The following ZFP69 variants were observed in gnomAD, a reference collection of about 807,000 sequenced individuals.
ZFP69 encodes zinc finger protein 69 homolog.
ZFP69 carries 35 observed loss-of-function variants against 48.9 expected under a neutral mutation model. The observed-to-expected ratio is 0.72, with a 90% CI of 0.55 to 0.95. The LOEUF (loss-of-function observed/expected upper bound fraction) is 0.95, where lower values mean the gene tolerates loss of function less well. Among genes scored for constraint, ZFP69 ranks in the 40% least tolerant of loss-of-function variants. The pLI, the probability that ZFP69 is intolerant of heterozygous loss-of-function variation, is 0.00. For missense variants in ZFP69, 557 were observed against 638.4 expected, an observed-to-expected ratio of 0.87 and a Z score of 1.37; for synonymous variants, 193 against 216.8, an observed-to-expected ratio of 0.89 and a Z score of 0.96.
intron 2 of ZFP69, 23 bp downstream of exon 2, chr1:40,479,511 G>A (rs1557537044): frequency 4.4e-6 from 7 of 1,597,710 alleles, no homozygotes; most frequent in South Asian, 1.1e-5. Flanking sequence ...TGATGGAGGG[G>A]GAAGAAGGGG....
In ZFP69 at chr1:40,495,910, C is replaced by A. The variant is rs772897701; in HGVS notation, c.1432C>A (p.His478Asn). 1 of 1,614,018 alleles carries A rather than the reference C, an allele frequency of 6.2e-7. No homozygotes were observed. The highest frequency in any genetic ancestry group is 8.5e-7 in the Non-Finnish European group (1 of 1,180,028). The change falls in exon 6 of 6, where the codon CAT becomes AAT. Residue 478 changes from histidine to asparagine, a missense_variant. Coordinates refer to ENST00000372706, the MANE Select transcript of ZFP69 (RefSeq NM_001320179.2). ...ECNRCGKAYR[H>N]DSSFKKHQRH... Reference sequence around the variant, plus strand: ...CAACCGCTGTGGAAAAGCCTATAGGCATGATTCATCCTTTAAAAAACATCA... The same window carrying A: ...CAACCGCTGTGGAAAAGCCTATAGGAATGATTCATCCTTTAAAAAACATCA...
chr1:40,489,658 G>C (rs756254145), intron 5 of ZFP69, 34 bp downstream of exon 5: 291 of 1,476,486 alleles, frequency 2.0e-4, no homozygotes, highest in Non-Finnish European at 2.7e-4. Context: ...TTTTTGTGTT[G>C]CTATAAAGGA....
intron 3 of ZFP69, among the ~76,000 whole-genome samples, chr1:40,484,736 C>G (rs1241360123): frequency 6.6e-6 from 1 of 151,510 alleles, no homozygotes; most frequent in Non-Finnish European, 1.5e-5. Context: ...TGCCACCACA[C>G]CCGGCTAATT....
chr1:40,490,868 C>A (rs1016888492), intron 5 of ZFP69: 2 of 152,236 alleles, frequency 1.3e-5, no homozygotes, highest in Middle Eastern at 3.4e-3. Context: ...TCAAACTTTG[C>A]TTTTTATTCT....
At chr1:40,493,447 T>C (rs969372961) in intron 5 of ZFP69, 4 of 152,176 alleles carry the variant, frequency 2.6e-5, no homozygotes, top group Non-Finnish European at 5.9e-5. Context: ...AAGAGTTCCA[T>C]TGATGATCCC....
intron 5 of ZFP69, among the ~76,000 whole-genome samples, chr1:40,494,143 T>G (rs1248926103): frequency 6.6e-6 from 1 of 151,216 alleles, no homozygotes; most frequent in Non-Finnish European, 1.5e-5. Context: ...TCCTTTTATC[T>G]TTCTGAGATT....
chr1:40,486,593 A>AT (rs60459958), intron 3 of ZFP69, among the ~76,000 whole-genome samples: 14 of 147,650 alleles, frequency 9.5e-5, no homozygotes, highest in Non-Finnish European at 1.5e-4. Context: ...TAATTTTTGT[A>AT]TTTTTTTTTG....
At chr1:40,479,866 T>G (rs1235393332) in intron 2 of ZFP69, among the ~76,000 whole-genome samples, 1 of 152,210 alleles carries the variant, frequency 6.6e-6, no homozygotes, top group Non-Finnish European at 1.5e-5. Context: ...CAACCCAATA[T>G]TTATCACAAG....
intron 1 of ZFP69, among the ~76,000 whole-genome samples, chr1:40,478,763 G>A (rs1030372901): frequency 9.2e-5 from 14 of 152,076 alleles, no homozygotes; most frequent in Admixed American, 2.0e-4. Context: ...AAGTGTCATA[G>A]AGCTTTTAAG....
chr1:40,495,291 T>C lies in ZFP69; in HGVS notation c.813T>C (p.Tyr271=), dbSNP rs750483334. The C allele has an allele frequency of 3.1e-6, 5 of 1,613,926 alleles. No homozygotes were observed. The African/African-American group carries it at 6.7e-5, about 22-fold the overall frequency. The change falls in exon 6 of 6, where the codon TAT becomes TAC. Residue 271 remains tyrosine, a synonymous_variant. Coordinates refer to ENST00000372706, the MANE Select transcript of ZFP69 (RefSeq NM_001320179.2). ...CAAGTTACATAAGAACAAAAACCTATGAATGTAATATATGTGAAAAAATCT... is the reference window on the plus strand; with the variant it reads ...CAAGTTACATAAGAACAAAAACCTACGAATGTAATATATGTGAAAAAATCT... ...HPTSYIRTKT[Y]ECNICEKIFK... is the part of the protein sequence containing the mutation.
intron 2 of ZFP69, among the ~76,000 whole-genome samples, chr1:40,480,496 C>T (rs892463363): frequency 6.6e-6 from 1 of 151,210 alleles, no homozygotes; most frequent in Non-Finnish European, 1.5e-5. Context: ...AAACCTAAGC[C>T]CATATACAGA....
At position 40,496,094 on chromosome 1, in the gene ZFP69, G is replaced by A. The variant is rs200110371; in HGVS notation, c.*35G>A. 490 of 1,525,694 alleles carry A rather than the reference G, an allele frequency of 3.2e-4. 2 individuals are homozygous for A. The African/African-American group carries it at 6.2e-3, about 19-fold the overall frequency. The allele number at this position is 1,525,694 out of a possible 1,614,324, so 94.5% of individuals were successfully genotyped here. A position where few individuals can be genotyped will look rare whatever the true frequency, so the allele number is the denominator to read the frequency against. ...TTTGACTTGAGAACAAAAGCCAAGT[G>A]TAAATTGGTGATTTAGAGTGCTTTA... On this transcript the variant is annotated 3_prime_UTR_variant, in exon 6 of 6. Transcript: ENST00000372706.
intron 5 of ZFP69, among the ~76,000 whole-genome samples, chr1:40,494,181 A>C (rs1367887583): frequency 6.6e-6 from 1 of 151,960 alleles, no homozygotes; most frequent in Non-Finnish European, 1.5e-5. Flanking sequence ...GTCAATTAAA[A>C]ATACTTATAT....
chr1:40,483,512 C>T (rs778953051), intron 3 of ZFP69, among the ~76,000 whole-genome samples: 10 of 152,034 alleles, frequency 6.6e-5, no homozygotes, highest in Non-Finnish European at 1.5e-4. Flanking sequence ...TACAGACGAG[C>T]CACTGCACCC....
chr1:40,492,515 CTCATAA>C (rs143801098), intron 5 of ZFP69, among the ~76,000 whole-genome samples: 8,838 of 152,196 alleles, frequency 0.058, 361 homozygotes, highest in African/African-American at 0.11. Context: ...AAAACTGTAT[CTCATAA>C]TGAGACTTAA....
In ZFP69 at chr1:40,495,707, C is replaced by T; in HGVS notation, c.1229C>T (p.Pro410Leu). ...ATAAGAATTCATACCGGGGAGAAGC[C>T]CTATGCATGCACTGCATGTTGTAAA... ...EHIRIHTGEK[P>L]YACTACCKTF... Residue 410 changes from proline to leucine, a missense_variant, in exon 6 of 6, where the codon CCC becomes CTC. Physicochemically the swap from Pro to Leu is moderately conservative, Grantham distance 98. Coordinates refer to ENST00000372706, the MANE Select transcript of ZFP69 (RefSeq NM_001320179.2). The T allele has an allele frequency of 6.2e-7, 1 of 1,614,110 alleles. No homozygotes were observed. The highest frequency in any genetic ancestry group is 8.5e-7 in the Non-Finnish European group (1 of 1,180,020).
intron 3 of ZFP69, among the ~76,000 whole-genome samples, chr1:40,486,418 CTCCCTTCCTTCCTTCCT>C (rs1483726703): frequency 2.1e-5 from 3 of 141,888 alleles, no homozygotes; most frequent in African/African-American, 8.0e-5. Flanking sequence ...TCCTCCCTCC[CTCCCTTCCTTCCTTCCT>C]TCCCTTCCTC....
rs374949421 is a variant in ZFP69, at chr1:40,495,559, C to A, written c.1081C>A (p.Gln361Lys). The A allele has an allele frequency of 6.2e-7, 1 of 1,614,034 alleles. No individual in the cohort carries two copies. The highest frequency in any genetic ancestry group is 8.5e-7 in the Non-Finnish European group (1 of 1,180,032). ...GAAACCCTATGTATGTGATAAATGT[C>A]AGAAAGCTTTCAGCCAGAACATTAG... is the stretch of plus-strand genomic sequence containing the variant. Reference protein sequence around the residue: ...GEKPYVCDKCQKAFSQNISLV... With the variant: ...GEKPYVCDKCKKAFSQNISLV... The change falls in exon 6 of 6, where the codon CAG becomes AAG. Residue 361 changes from glutamine (Q) to lysine (K), a missense_variant. Gln to Lys is a moderately conservative substitution (Grantham distance 53). Transcript: ENST00000372706.
chr1:40,489,507 GT>G (rs531278982), intron 4 of ZFP69, 21 bp from the exon 5 acceptor site: 8 of 1,586,676 alleles, frequency 5.0e-6, no homozygotes, highest in Admixed American at 1.8e-5. Flanking sequence ...CATTCACACT[GT>G]TTTTTTTACT....
Sources: allele counts gnomAD v4.1 joint callset (sites outside exome capture counted in the v4.1 genomes callset), GRCh38; gene constraint gnomAD v4.1.1; transcripts MANE v1.5; gene names NCBI Gene and HGNC (gene_info 2026-07-23, HGNC 2026-07-21).